ZFHX3: variants seen among roughly 807,000 people sequenced by gnomAD.
ZFHX3 encodes the protein zinc finger homeobox 3, also known as zinc finger homeobox protein 3.
ZFHX3 carries 42 observed loss-of-function variants against 279.1 expected under a neutral mutation model. The ratio of observed to expected loss-of-function variants is 0.15; its 90% confidence interval spans 0.12 to 0.19. ZFHX3 has a LOEUF of 0.19. Ranked by LOEUF, ZFHX3 falls within the 10% of genes least tolerant of loss-of-function variation. ZFHX3 has a pLI of 1.00. For synonymous variants in ZFHX3, 2,293 were observed against 1,957.8 expected, an observed-to-expected ratio of 1.17 and a Z score of -4.52; for missense variants, 4,981 against 4,754.0, an observed-to-expected ratio of 1.05 and a Z score of -1.40.
rs573489141 is a variant in ZFHX3 at position 73,885,125 on chromosome 16, G to A, written c.-1608+6526C>T. 1.4e-3 allele frequency among the ~76,000 whole-genome samples: 207 copies of A among 152,210 alleles called. 2 individuals are homozygous for A. Among genetic ancestry groups the A allele is most frequent in the South Asian group, 2.3e-3 (11 of 4,822 alleles). ...ATTGAAAATCTGGAAAGAGTTTGGG[G>A]TGGACTGGCCAACCCCCTTTCATTT... is the stretch of plus-strand genomic sequence containing the variant. On this transcript the variant is annotated intron_variant, in intron 1 of 17. Coordinates refer to the ZFHX3 transcript ENST00000641206.
At chr16:73,723,727 A>G (rs571458144) in intron 1 of ZFHX3, among the ~76,000 whole-genome samples, 19 of 152,310 alleles carry the variant, frequency 1.2e-4, no homozygotes, top group African/African-American at 2.6e-4. Flanking sequence ...TATTAAGCCA[A>G]TGAGTTATAT....
intron 2 of ZFHX3, among the ~76,000 whole-genome samples, chr16:73,546,967 T>C (rs1207690179): frequency 2.0e-5 from 3 of 152,056 alleles, no homozygotes; most frequent in Non-Finnish European, 2.9e-5. Context: ...CCATTGTTAA[T>C]GTAAGAGGCA....
At position 72,846,331 on chromosome 16, in the gene ZFHX3, T is replaced by A. The variant is rs535256716; in HGVS notation, c.3449-16472A>T. 4.6e-5 allele frequency among the ~76,000 whole-genome samples: 7 copies of A among 152,346 alleles called. No individual in the cohort carries two copies. In the South Asian group the frequency reaches 1.4e-3, roughly 32 times the overall value. On this transcript the variant is annotated intron_variant, in intron 4 of 9. Coordinates refer to ENST00000268489, the MANE Select transcript of ZFHX3 (RefSeq NM_006885.4). ...GCTCACATGGCAGAGGCATGGCACG[T>A]GCAAAGACCCAGGGCACAGAAGGAG... is the stretch of plus-strand genomic sequence containing the variant.
At chr16:73,479,278 T>C (rs1354975268) in intron 2 of ZFHX3, among the ~76,000 whole-genome samples, 4 of 152,184 alleles carry the variant, frequency 2.6e-5, no homozygotes, top group Non-Finnish European at 5.9e-5. Context: ...AGCAGCTGAT[T>C]GCAATTCTTG....
intron 7 of ZFHX3, chr16:72,809,519 C>T (rs893113837): frequency 2.0e-5 from 3 of 151,074 alleles, no homozygotes; most frequent in Admixed American, 1.4e-4. Context: ...AAAATACCCA[C>T]AGAAAGTTAA....
At chr16:73,842,648 C>G (rs1961340948) in intron 1 of ZFHX3, among the ~76,000 whole-genome samples, 1 of 152,132 alleles carries the variant, frequency 6.6e-6, no homozygotes. Flanking sequence ...AGGCTCCATG[C>G]TACTAGTAAT....
At chr16:73,244,284 A>C (rs1200706950) in intron 5 of ZFHX3, among the ~76,000 whole-genome samples, 1 of 152,190 alleles carries the variant, frequency 6.6e-6, no homozygotes, top group East Asian at 1.9e-4. Flanking sequence ...AGGATGACAC[A>C]GTAATCAAAG....
At chr16:72,832,094 T>A (rs1376443913) in intron 4 of ZFHX3, among the ~76,000 whole-genome samples, 1 of 152,092 alleles carries the variant, frequency 6.6e-6, no homozygotes, top group Non-Finnish European at 1.5e-5. Context: ...CCTGAGATGG[T>A]GATGTGCAGT....
chr16:73,053,620 G>A (rs1467917771), intron 1 of ZFHX3, among the ~76,000 whole-genome samples: 1 of 152,088 alleles, frequency 6.6e-6, no homozygotes, highest in Non-Finnish European at 1.5e-5. Context: ...CAGGGCGAGT[G>A]GATGTCGGAG....
chr16:73,174,057 A>C (rs753197677), intron 5 of ZFHX3, among the ~76,000 whole-genome samples: 11 of 152,192 alleles, frequency 7.2e-5, no homozygotes, highest in Non-Finnish European at 1.6e-4. Context: ...GAGCGTCCTC[A>C]AGGCTTTGGG....
At chr16:73,534,477 G>T (rs148445905) in intron 2 of ZFHX3, among the ~76,000 whole-genome samples, 2 of 152,226 alleles carry the variant, frequency 1.3e-5, no homozygotes, top group African/African-American at 4.8e-5. Context: ...GCTATAATGT[G>T]TAACTTTATG....
intron 3 of ZFHX3, among the ~76,000 whole-genome samples, chr16:72,893,546 A>G (rs2038822810): frequency 7.0e-6 from 1 of 142,540 alleles, no homozygotes; most frequent in Admixed American, 6.8e-5. Flanking sequence ...CACACTTTAA[A>G]AAATGGATAT....
intron 4 of ZFHX3, among the ~76,000 whole-genome samples, chr16:73,315,027 A>G (rs2015412419): frequency 6.6e-6 from 1 of 152,178 alleles, no homozygotes; most frequent in Non-Finnish European, 1.5e-5. Flanking sequence ...CAGGAGTTTG[A>G]TACCAGACTG....
intron 7 of ZFHX3, among the ~76,000 whole-genome samples, chr16:72,803,569 G>A (rs867319174): frequency 1.5e-4 from 23 of 151,974 alleles, no homozygotes; most frequent in African/African-American, 4.6e-4. Flanking sequence ...CTCTCTGGCC[G>A]CAATCCTACA....
At chr16:73,276,823 G>C (rs1361771126) in intron 4 of ZFHX3, among the ~76,000 whole-genome samples, 1 of 152,212 alleles carries the variant, frequency 6.6e-6, no homozygotes, top group Non-Finnish European at 1.5e-5. Flanking sequence ...GATTACATGA[G>C]GGGAAAGGAT....
At chr16:73,444,729 C>T (rs982828425) in intron 3 of ZFHX3, among the ~76,000 whole-genome samples, 11 of 152,194 alleles carry the variant, frequency 7.2e-5, no homozygotes, top group African/African-American at 2.7e-4. Context: ...CTGAGCAACA[C>T]TCAAAGCTCT....
intron 5 of ZFHX3, among the ~76,000 whole-genome samples, chr16:73,231,037 T>A (rs1438316346): frequency 3.3e-5 from 5 of 152,092 alleles, no homozygotes; most frequent in Admixed American, 6.5e-5. Context: ...CCAGAGAGAT[T>A]GTATTACCAA....
At position 72,784,545 on chromosome 16, in the gene ZFHX3, AT is replaced by A. The variant is rs755939584; in HGVS notation, c.*2618del. ...ACATACAACAGTTAAATGGCAAAAA[AT>A]ATATATATATATATTTCATAGAGTT... On this transcript the variant is annotated 3_prime_UTR_variant, in exon 10 of 10. Transcript: ENST00000268489. The A allele has an allele frequency of 1.3e-5, 2 of 149,902 alleles. No individual in the cohort carries two copies. Among genetic ancestry groups the A allele is most frequent in the South Asian group, 2.1e-4 (1 of 4,774 alleles). The allele number at this position is 149,902 out of a possible 1,614,324, so 9.3% of individuals were successfully genotyped here.
intron 1 of ZFHX3, among the ~76,000 whole-genome samples, chr16:73,807,390 A>G (rs1783590887): frequency 6.6e-6 from 1 of 152,118 alleles, no homozygotes; most frequent in South Asian, 2.1e-4. Flanking sequence ...CAAATTTAGG[A>G]AAATGCCAGA....
Sources: allele counts gnomAD v4.1 joint callset (sites outside exome capture counted in the v4.1 genomes callset), GRCh38; gene constraint gnomAD v4.1.1; transcripts MANE v1.5; gene names NCBI Gene and HGNC (gene_info 2026-07-23, HGNC 2026-07-21).